NCEH1: variants seen among roughly 807,000 people sequenced by gnomAD.
NCEH1 encodes neutral cholesterol ester hydrolase 1, also known as 2-acetyl MAGE hydrolase.
NCEH1 carries 9 observed loss-of-function variants against 25.4 expected under a neutral mutation model. That is an observed-to-expected ratio of 0.35 (90% CI 0.21 to 0.62). The LOEUF (loss-of-function observed/expected upper bound fraction) is 0.62, where lower values mean the gene tolerates loss of function less well. NCEH1 is among the 20% of genes least tolerant of loss of function. NCEH1 has a pLI of 0.72. For synonymous variants in NCEH1, 200 were observed against 199.8 expected, an observed-to-expected ratio of 1.00 and a Z score of -0.01; for missense variants, 412 against 501.1, an observed-to-expected ratio of 0.82 and a Z score of 1.70.
Position 172,648,102 on chromosome 3 carries a change from G to A in NCEH1, c.151C>T (p.His51Tyr). ...RGAQQVSNLI[H>Y]YLGLSHHLLA... ...AGGTGATGGCTCAGTCCCAGGTAGTGGATCAGGTTACTCTGCAGGGCGAGG... is the reference window on the plus strand; with the variant it reads ...AGGTGATGGCTCAGTCCCAGGTAGTAGATCAGGTTACTCTGCAGGGCGAGG... The change falls in exon 2 of 5, where the codon CAC becomes TAC. Residue 51 changes from histidine (H) to tyrosine (Y), a missense_variant. His to Tyr is a moderately conservative substitution (Grantham distance 83). Transcript: ENST00000475381. 1.9e-6 allele frequency: 3 copies of A among 1,614,116 alleles called. No homozygotes were observed. The highest frequency in any genetic ancestry group is 1.3e-5 in the African/African-American group (1 of 75,008).
chr3:172,641,936 G>A (rs901436423), intron 3 of NCEH1, among the ~76,000 whole-genome samples: 2 of 152,036 alleles, frequency 1.3e-5, no homozygotes, highest in African/African-American at 4.8e-5. Context: ...GTTACTACTT[G>A]CCCTTCTACT....
chr3:172,660,854 T>A (rs1220570560), intron 1 of NCEH1, among the ~76,000 whole-genome samples: 1 of 152,234 alleles, frequency 6.6e-6, no homozygotes, highest in Non-Finnish European at 1.5e-5. Flanking sequence ...TTAAGTTCTT[T>A]GTAGATTCTG....
chr3:172,700,506 CAT>C (rs1467405080), intron 1 of NCEH1, among the ~76,000 whole-genome samples: 3 of 152,278 alleles, frequency 2.0e-5, no homozygotes, highest in Admixed American at 6.5e-5. Context: ...TAACTGATCA[CAT>C]GTTTAAATTT....
At chr3:172,685,150 G>A (rs2108523974) in intron 1 of NCEH1, among the ~76,000 whole-genome samples, 1 of 151,790 alleles carries the variant, frequency 6.6e-6, no homozygotes, top group Admixed American at 6.6e-5. Flanking sequence ...AAAGCTAGCT[G>A]GGTGTGGCAG....
chr3:172,694,805 A>G (rs1237771205), intron 1 of NCEH1, among the ~76,000 whole-genome samples: 1 of 152,154 alleles, frequency 6.6e-6, no homozygotes, highest in East Asian at 1.9e-4. Flanking sequence ...GCTTCCTCTG[A>G]GGCTCCACCT....
intron 1 of NCEH1, chr3:172,680,591 AATCTCAGGG>A (rs1019694310): frequency 4.8e-4 from 73 of 152,236 alleles, no homozygotes; most frequent in African/African-American, 1.7e-3. Context: ...CCCTGCCCCA[AATCTCAGGG>A]GACCCATGAG....
intron 1 of NCEH1, among the ~76,000 whole-genome samples, chr3:172,665,900 T>A (rs1380423457): frequency 6.6e-6 from 1 of 152,228 alleles, no homozygotes; most frequent in East Asian, 1.9e-4. Context: ...ACAGCTTCCC[T>A]TGGCTAGGAA....
chr3:172,674,680 A>G (rs1207200412), intron 1 of NCEH1, among the ~76,000 whole-genome samples: 1 of 152,214 alleles, frequency 6.6e-6, no homozygotes, highest in African/African-American at 2.4e-5. Context: ...ATTTTCAATG[A>G]AAATTATTTA....
intron 1 of NCEH1, among the ~76,000 whole-genome samples, chr3:172,681,732 A>T (rs9848912): frequency 3.7e-5 from 5 of 136,420 alleles, no homozygotes; most frequent in Non-Finnish European, 7.7e-5. Flanking sequence ...TCTAGTAAAA[A>T]TACCAAAAAA....
intron 1 of NCEH1, among the ~76,000 whole-genome samples, chr3:172,681,685 T>C (rs1208266298): frequency 3.4e-5 from 5 of 147,596 alleles, no homozygotes; most frequent in African/African-American, 5.1e-5. Context: ...AGGTCAGGAG[T>C]TCGAGACCAG....
chr3:172,699,203 A>AT lies in NCEH1; in HGVS notation c.138+11643dup, dbSNP rs1713548756. Among the ~76,000 whole-genome samples the AT allele has an allele frequency of 6.6e-5, 10 of 152,278 alleles. No homozygotes were observed. The South Asian group carries it at 1.9e-3, about 28-fold the overall frequency. ...GAGTTGGTATTGAACGATGCGTGGG[A>AT]TATTGCCCAAAGTAAAAGGGTGGGA... is the stretch of plus-strand genomic sequence containing the variant. On this transcript the variant is annotated intron_variant, in intron 1 of 4. Coordinates refer to ENST00000475381, the MANE Select transcript of NCEH1 (RefSeq NM_020792.6).
chr3:172,687,460 G>T (rs977437157), intron 1 of NCEH1, among the ~76,000 whole-genome samples: 1 of 152,134 alleles, frequency 6.6e-6, no homozygotes, highest in African/African-American at 2.4e-5. Context: ...GGAACCATTT[G>T]CAACACTTGT....
At chr3:172,667,047 T>TA (rs1718243083) in intron 1 of NCEH1, among the ~76,000 whole-genome samples, 1 of 152,178 alleles carries the variant, frequency 6.6e-6, no homozygotes, top group African/African-American at 2.4e-5. Context: ...ATAGGACATA[T>TA]TGCTGGTCCT....
At chr3:172,696,519 A>AT (rs1713381947) in intron 1 of NCEH1, among the ~76,000 whole-genome samples, 1 of 152,240 alleles carries the variant, frequency 6.6e-6, no homozygotes, top group Admixed American at 6.5e-5. Flanking sequence ...ATAAACCTTT[A>AT]TTCACATATT....
At chr3:172,637,310 T>C (rs1716638627) in intron 3 of NCEH1, among the ~76,000 whole-genome samples, 1 of 152,214 alleles carries the variant, frequency 6.6e-6, no homozygotes, top group Non-Finnish European at 1.5e-5. Flanking sequence ...TTAGGTAGGA[T>C]AAAAACTAAT....
intron 1 of NCEH1, among the ~76,000 whole-genome samples, chr3:172,691,357 T>C (rs9829555): frequency 0.4 from 60,232 of 152,108 alleles, 13,144 homozygotes; most frequent in African/African-American, 0.58. Flanking sequence ...TATGAGCTTC[T>C]AGATCTCTCC....
chr3:172,676,224 T>C (rs919436463), intron 1 of NCEH1, among the ~76,000 whole-genome samples: 3 of 152,128 alleles, frequency 2.0e-5, no homozygotes, highest in Non-Finnish European at 4.4e-5. Context: ...CTTTTTCTGT[T>C]AATAAAAGCA....
At chr3:172,652,310 C>A (rs1717438327) in intron 1 of NCEH1, among the ~76,000 whole-genome samples, 2 of 152,096 alleles carry the variant, frequency 1.3e-5, no homozygotes, top group Non-Finnish European at 2.9e-5. Flanking sequence ...TCTCCACAGC[C>A]CATTATATGT....
At chr3:172,697,725 G>C (rs1406808670) in intron 1 of NCEH1, among the ~76,000 whole-genome samples, 2 of 152,152 alleles carry the variant, frequency 1.3e-5, no homozygotes, top group Admixed American at 1.3e-4. Context: ...GGAGACTGTT[G>C]AATGTAGTTC....
Sources: allele counts gnomAD v4.1 joint callset (sites outside exome capture counted in the v4.1 genomes callset), GRCh38; gene constraint gnomAD v4.1.1; transcripts MANE v1.5; gene names NCBI Gene and HGNC (gene_info 2026-07-23, HGNC 2026-07-21).